The following DSE variants were observed in gnomAD, a reference collection of about 807,000 sequenced individuals.
DSE encodes dermatan sulfate epimerase.
In DSE, 36 loss-of-function variants were observed where a neutral mutation model predicts 84.4. The observed-to-expected ratio is 0.43, with a 90% CI of 0.33 to 0.56. DSE has a LOEUF of 0.56. Among genes scored for constraint, DSE ranks in the 20% least tolerant of loss-of-function variants. The pLI, the probability that DSE is intolerant of heterozygous loss-of-function variation, is 0.06. For synonymous variants in DSE, 410 were observed against 430.1 expected (o/e 0.95, Z 0.58); for missense variants, 862 against 1,169.6 (o/e 0.74, Z 3.84).
chr6:116,361,424 T>C (rs1462452277), intron 2 of DSE, among the ~76,000 whole-genome samples: 1 of 152,224 alleles, frequency 6.6e-6, no homozygotes, highest in African/African-American at 2.4e-5. Flanking sequence ...ATGAGCTTTT[T>C]TGAGATTTAC....
intron 2 of DSE, among the ~76,000 whole-genome samples, chr6:116,309,808 C>A (rs1229003119): frequency 6.6e-6 from 1 of 152,166 alleles, no homozygotes; most frequent in Non-Finnish European, 1.5e-5. Context: ...AAAAAGGGAG[C>A]AAACTCCCTC....
chr6:116,323,485 G>A (rs949856506), intron 2 of DSE, among the ~76,000 whole-genome samples: 6 of 152,094 alleles, frequency 3.9e-5, no homozygotes, highest in African/African-American at 1.2e-4. Flanking sequence ...TTGGACATTC[G>A]TTTAGCAGCC....
At chr6:116,312,017 TTGTATAAGAGAGTA>T (rs1562222246) in intron 2 of DSE, among the ~76,000 whole-genome samples, 2 of 152,162 alleles carry the variant, frequency 1.3e-5, no homozygotes, top group African/African-American at 4.8e-5. Flanking sequence ...TTAGGTTCTT[TTGTATAAGAGAGTA>T]GAAGTACCAC....
At chr6:116,399,926 A>G (rs1034492034) in intron 2 of DSE, 11 of 453,098 alleles carry the variant, frequency 2.4e-5, no homozygotes, top group Non-Finnish European at 4.3e-5. Context: ...AATTGAGTAA[A>G]GAGTATCATC....
rs758269032 is a variant in DSE, at chr6:116,436,395, G to A, written c.1927G>A (p.Gly643Arg). The A allele has an allele frequency of 8.1e-6, 13 of 1,613,842 alleles. No individual in the cohort carries two copies. Among genetic ancestry groups the A allele is most frequent in the Admixed American group, 3.3e-5 (2 of 59,978 alleles). Residue 643 changes from glycine to arginine, a missense_variant, in exon 6 of 6, where the codon GGG becomes AGG. Physicochemically the swap from Gly to Arg is moderately radical, Grantham distance 125. This residue lies in a region of DSE where 186 missense variants were observed against 255.1 expected (regional missense o/e 0.73). Coordinates refer to ENST00000644252, the MANE Select transcript of DSE (RefSeq NM_013352.4). ...VTYPRGYPYN[G>R]TNYVNVTMHL... ...ATATCCTCGGGGCTATCCCTACAATGGGACAAACTATGTGAATGTCACCAT... is the reference window on the plus strand; with the variant it reads ...ATATCCTCGGGGCTATCCCTACAATAGGACAAACTATGTGAATGTCACCAT...
intron 1 of DSE, among the ~76,000 whole-genome samples, chr6:116,391,171 T>A (rs914022148): frequency 1.3e-5 from 2 of 152,210 alleles, no homozygotes; most frequent in Non-Finnish European, 2.9e-5. Context: ...CATTATATAA[T>A]GAAAAAGTGT....
intron 2 of DSE, among the ~76,000 whole-genome samples, chr6:116,404,412 C>G (rs1781787403): frequency 6.6e-6 from 1 of 152,212 alleles, no homozygotes; most frequent in Non-Finnish European, 1.5e-5. Context: ...GCATCCATTT[C>G]CAAGCAGCAG....
intron 2 of DSE, among the ~76,000 whole-genome samples, chr6:116,360,917 A>C (rs931245852): frequency 3.1e-4 from 47 of 152,162 alleles, no homozygotes; most frequent in African/African-American, 1.1e-3. Context: ...CAGAGTTCTG[A>C]TGATTTGGGA....
chr6:116,409,569 A>G (rs992570871), intron 2 of DSE, among the ~76,000 whole-genome samples: 11 of 152,088 alleles, frequency 7.2e-5, no homozygotes, highest in South Asian at 2.1e-4. Flanking sequence ...GTGAGCCAAC[A>G]CGCCCGGCCA....
chr6:116,380,194 A>G (rs1434647882), intron 1 of DSE, among the ~76,000 whole-genome samples: 1 of 152,106 alleles, frequency 6.6e-6, no homozygotes, highest in Non-Finnish European at 1.5e-5. Context: ...TACTTTAGTG[A>G]TAGACATACT....
intron 1 of DSE, among the ~76,000 whole-genome samples, chr6:116,397,534 G>T (rs1004808761): frequency 6.6e-6 from 1 of 152,026 alleles, no homozygotes; most frequent in African/African-American, 2.4e-5. Flanking sequence ...ATGGAGCAAG[G>T]AATAAGCCCC....
chr6:116,371,920 T>C (rs1253619024), intron 1 of DSE, among the ~76,000 whole-genome samples: 2 of 152,208 alleles, frequency 1.3e-5, no homozygotes, highest in Non-Finnish European at 2.9e-5. Context: ...GGCATTCAGA[T>C]GGAAACCGAA....
intron 2 of DSE, among the ~76,000 whole-genome samples, chr6:116,303,130 T>C (rs1187820129): frequency 6.6e-6 from 1 of 152,192 alleles, no homozygotes; most frequent in Non-Finnish European, 1.5e-5. Context: ...TAGTACAAGT[T>C]CCTTCCTGCC....
chr6:116,392,679 G>T (rs1780984496), intron 1 of DSE, among the ~76,000 whole-genome samples: 1 of 152,172 alleles, frequency 6.6e-6, no homozygotes, highest in South Asian at 2.1e-4. Flanking sequence ...ATGAAGTTAT[G>T]GTAGCGATCT....
chr6:116,438,339 A>C lies in DSE; in HGVS notation c.*994A>C, dbSNP rs41289930. ...ATTCAAAATGCATTAACATTTTCCA[A>C]AATTTTTGAAGAGAGATCTTTATTT... On this transcript the variant is annotated 3_prime_UTR_variant, in exon 6 of 6. Coordinates refer to ENST00000644252, the MANE Select transcript of DSE (RefSeq NM_013352.4). 1 of 152,626 alleles carries C rather than the reference A, an allele frequency of 6.6e-6. No individual in the cohort carries two copies. Among genetic ancestry groups the C allele is most frequent in the Non-Finnish European group, 1.5e-5 (1 of 67,950 alleles). The allele number at this position is 152,626 out of a possible 1,614,324, so 9.5% of individuals were successfully genotyped here. A position where few individuals can be genotyped will look rare whatever the true frequency, so the allele number is the denominator to read the frequency against.
At chr6:116,410,371 T>C (rs1485371023) in intron 2 of DSE, among the ~76,000 whole-genome samples, 6 of 152,198 alleles carry the variant, frequency 3.9e-5, no homozygotes, top group Admixed American at 3.9e-4. Flanking sequence ...TTATAGTTCA[T>C]CCAAATGTGC....
At chr6:116,303,088 C>G (rs1420381030) in intron 2 of DSE, among the ~76,000 whole-genome samples, 1 of 152,170 alleles carries the variant, frequency 6.6e-6, no homozygotes, top group Non-Finnish European at 1.5e-5. Flanking sequence ...TTTCTCTTCT[C>G]TGGCCACAGT....
chr6:116,345,945 C>T (rs960516759), intron 2 of DSE, among the ~76,000 whole-genome samples: 7 of 152,008 alleles, frequency 4.6e-5, no homozygotes, highest in Non-Finnish European at 8.8e-5. Context: ...ATATCACCAT[C>T]GATCCCACAG....
At chr6:116,418,991 C>A (rs1355979266) in intron 2 of DSE, among the ~76,000 whole-genome samples, 1 of 152,168 alleles carries the variant, frequency 6.6e-6, no homozygotes, top group Non-Finnish European at 1.5e-5. Context: ...AGTACACTCC[C>A]CTCTCCTTTC....
Sources: allele counts gnomAD v4.1 joint callset (sites outside exome capture counted in the v4.1 genomes callset), GRCh38; gene constraint gnomAD v4.1.1; regional missense constraint gnomAD v4.1.1; transcripts MANE v1.5; gene names NCBI Gene and HGNC (gene_info 2026-07-23, HGNC 2026-07-21).